The following DNAAF1 variants were observed in gnomAD, a reference collection of about 807,000 sequenced individuals.
DNAAF1 encodes dynein assembly factor 1, axonemal.
In DNAAF1, 65 loss-of-function variants were observed where a neutral mutation model predicts 71.1. That is an observed-to-expected ratio of 0.91 (90% CI 0.75 to 1.12). The LOEUF is 1.12. Among genes scored for constraint, DNAAF1 ranks in the 50% most tolerant of loss-of-function variants. The probability of loss-of-function intolerance (pLI) is 0.00; values close to 1 mark genes in which losing one functional copy is unlikely to be tolerated. For synonymous variants in DNAAF1, 414 were observed against 354.6 expected (o/e 1.17, Z -1.88); for missense variants, 1,178 against 899.8 (o/e 1.31, Z -3.96).
intron 3 of DNAAF1, among the ~76,000 whole-genome samples, chr16:84,152,283 G>A (rs2087220994): frequency 6.6e-6 from 1 of 152,138 alleles, no homozygotes; most frequent in African/African-American, 2.4e-5. Context: ...AACCCAAGGG[G>A]ACAAATAATC....
At position 84,150,372 on chromosome 16, in the gene DNAAF1, G is replaced by A. The variant is rs78056463; in HGVS notation, c.352+30G>A. On this transcript the variant is annotated intron_variant, in intron 3 of 11. Transcript: ENST00000378553. Reference sequence around the variant, plus strand: ...GGACCTAAGAGAGGAAGTGCTTCACGTCAGGTGGAAAGATTCTGTCTAGCG... The same window carrying A: ...GGACCTAAGAGAGGAAGTGCTTCACATCAGGTGGAAAGATTCTGTCTAGCG... 0.026 allele frequency: 39,380 copies of A among 1,510,580 alleles called. 728 individuals carry two copies. Among genetic ancestry groups the A allele is most frequent in the Middle Eastern group, 0.069 (404 of 5,894 alleles). 93.6% of individuals were successfully genotyped at this position (1,510,580 alleles called of 1,614,324 possible).
intron 10 of DNAAF1, chr16:84,175,209 A>G: frequency 4.6e-6 from 1 of 219,570 alleles, no homozygotes; most frequent in Non-Finnish European, 9.2e-6. Flanking sequence ...TTCTTGTTCA[A>G]TTTCTTTAAG....
intron 8 of DNAAF1, among the ~76,000 whole-genome samples, chr16:84,171,264 C>T (rs2088325513): frequency 1.3e-5 from 2 of 151,996 alleles, no homozygotes; most frequent in South Asian, 2.1e-4. Context: ...AGTGAGAAGC[C>T]CCCTTCCCCG....
chr16:84,146,852 G>A (rs570142490), intron 1 of DNAAF1, among the ~76,000 whole-genome samples: 1 of 152,294 alleles, frequency 6.6e-6, no homozygotes, highest in South Asian at 2.1e-4. Flanking sequence ...CACTTGATTT[G>A]TGTTCCAGTT....
At position 84,172,257 on chromosome 16, in the gene DNAAF1, T is replaced by C; in HGVS notation, c.1529-3T>C. 6.2e-7 allele frequency: 1 copy of C among 1,613,818 alleles called. No homozygotes were observed. Among genetic ancestry groups the C allele is most frequent in the South Asian group, 1.1e-5 (1 of 90,880 alleles). ...AACTCCAAGACTTGTTGTTGCTCTTTAGAACCGACTCCCCAGGCTGTGGCC... is the reference window on the plus strand; with the variant it reads ...AACTCCAAGACTTGTTGTTGCTCTTCAGAACCGACTCCCCAGGCTGTGGCC... On this transcript the variant is annotated splice_polypyrimidine_tract_variant and splice_region_variant and intron_variant, in intron 8 of 11. Transcript: ENST00000378553.
At chr16:84,173,850 C>T (rs991463625) in intron 9 of DNAAF1, 1 of 152,738 alleles carries the variant, frequency 6.5e-6, no homozygotes. Context: ...CAGCGAGACT[C>T]TGTCTCAAAA....
chr16:84,150,483 A>G, intron 3 of DNAAF1, 141 bp downstream of exon 3: 1 of 737,534 alleles, frequency 1.4e-6, no homozygotes. Context: ...AGATTTATGG[A>G]AAAGGAATAA....
chr16:84,155,762 A>G lies in DNAAF1; in HGVS notation c.741+13A>G. On this transcript the variant is annotated intron_variant, in intron 5 of 11. Coordinates refer to ENST00000378553, the MANE Select transcript of DNAAF1 (RefSeq NM_178452.6). ...CATGCCCGATTTGGTAAAAAACAAA[A>G]ACAAAAACAACGAAAAAGCACCACA... The G allele has an allele frequency of 6.2e-7, 1 of 1,613,968 alleles. No individual in the cohort carries two copies. Among genetic ancestry groups the G allele is most frequent in the Non-Finnish European group, 8.5e-7 (1 of 1,179,994 alleles).
intron 9 of DNAAF1, chr16:84,172,834 G>C (rs1357727933): frequency 9.6e-7 from 1 of 1,042,978 alleles, no homozygotes; most frequent in African/African-American, 1.7e-5. Context: ...GCTCTCACTG[G>C]CCTTCTGGCT....
At chr16:84,164,524 G>C (rs1597454217) in intron 6 of DNAAF1, among the ~76,000 whole-genome samples, 1 of 152,290 alleles carries the variant, frequency 6.6e-6, no homozygotes, top group Non-Finnish European at 1.5e-5. Context: ...ACAGCATATA[G>C]CCTTTATGGA....
At chr16:84,148,650 G>C (rs2087040492) in intron 1 of DNAAF1, among the ~76,000 whole-genome samples, 1 of 126,450 alleles carries the variant, frequency 7.9e-6, no homozygotes, top group African/African-American at 3.1e-5. Context: ...CCAGGCTGGA[G>C]TACAGTGGTG....
chr16:84,146,957 G>C (rs2086943435), intron 1 of DNAAF1, among the ~76,000 whole-genome samples: 2 of 152,206 alleles, frequency 1.3e-5, no homozygotes. Flanking sequence ...TGTATGAGGA[G>C]CCATAGGGAA....
chr16:84,159,470 C>G (rs993631846), intron 5 of DNAAF1, among the ~76,000 whole-genome samples: 2 of 152,188 alleles, frequency 1.3e-5, no homozygotes, highest in African/African-American at 4.8e-5. Flanking sequence ...GAAGAAAGGG[C>G]TGCTGAATGA....
chr16:84,168,019 A>G (rs1022366991), intron 7 of DNAAF1, among the ~76,000 whole-genome samples: 2 of 150,312 alleles, frequency 1.3e-5, no homozygotes, highest in African/African-American at 2.4e-5. Context: ...CTCCATCTCA[A>G]AAAAAAAAAA....
chr16:84,169,674 G>A (rs1030508253), intron 7 of DNAAF1, among the ~76,000 whole-genome samples, 185 bp from the exon 8 acceptor site: 19 of 152,172 alleles, frequency 1.2e-4, no homozygotes, highest in African/African-American at 3.4e-4. Context: ...ACCCTCCTCG[G>A]CCTCCCAAAG....
chr16:84,154,543 G>C (rs1341650836), intron 3 of DNAAF1, 34 bp from the exon 4 acceptor site: 1 of 1,598,082 alleles, frequency 6.3e-7, no homozygotes, highest in Non-Finnish European at 8.6e-7. Context: ...CCTGGGAGTA[G>C]GAGCTTAATT....
intron 10 of DNAAF1, 93 bp from the exon 11 acceptor site, chr16:84,175,840 C>T: frequency 6.8e-7 from 1 of 1,472,294 alleles, no homozygotes; most frequent in Non-Finnish European, 9.4e-7. Flanking sequence ...TACTTTGTGA[C>T]ATTGGGTGAA....
At chr16:84,174,648 G>A in intron 9 of DNAAF1, 21 bp from the exon 10 acceptor site, 1 of 1,614,146 alleles carries the variant, frequency 6.2e-7, no homozygotes, top group East Asian at 2.2e-5. Context: ...CTGGTGATGT[G>A]CGGCTCACTT....
intron 7 of DNAAF1, among the ~76,000 whole-genome samples, chr16:84,168,823 CACAT>C (rs1048261605): frequency 8.0e-5 from 8 of 100,036 alleles, no homozygotes; most frequent in African/African-American, 3.2e-4. Flanking sequence ...ACACATTTGC[CACAT>C]ACACACACAC....
Sources: gnomAD v4.1 joint callset for allele counts (sites outside exome capture counted in the v4.1 genomes callset) on GRCh38, gnomAD v4.1.1 for gene constraint, MANE v1.5 for transcripts, NCBI Gene and HGNC (gene_info 2026-07-23, HGNC 2026-07-21) for gene names.